Variants in PTPRD observed in about 807,000 individuals in gnomAD.
PTPRD encodes the protein receptor-type tyrosine-protein phosphatase delta.
Under a neutral mutation model 214.5 loss-of-function variants are expected in PTPRD, and 34 were observed. That is an observed-to-expected ratio of 0.16 (90% CI 0.12 to 0.21). The LOEUF is 0.21. Among genes scored for constraint, PTPRD ranks in the 10% least tolerant of loss-of-function variants. PTPRD has a pLI of 1.00. For synonymous variants in PTPRD, 1,128 were observed against 845.7 expected (o/e 1.33, Z -5.79); for missense variants, 2,545 against 2,398.7 (o/e 1.06, Z -1.27).
intron 11 of PTPRD, among the ~76,000 whole-genome samples, chr9:8,993,837 G>T (rs974199314): frequency 6.6e-6 from 1 of 152,020 alleles, no homozygotes; most frequent in Non-Finnish European, 1.5e-5. Context: ...GACCCGAAGA[G>T]TTATACAACA....
intron 7 of PTPRD, among the ~76,000 whole-genome samples, chr9:9,669,073 A>T (rs1488034326): frequency 6.6e-6 from 1 of 152,124 alleles, no homozygotes; most frequent in Non-Finnish European, 1.5e-5. Flanking sequence ...TCTAAAAAAG[A>T]TTTTCTAGTT....
chr9:8,879,907 T>C (rs558704598), intron 11 of PTPRD, among the ~76,000 whole-genome samples: 2 of 152,300 alleles, frequency 1.3e-5, no homozygotes, highest in African/African-American at 4.8e-5. Flanking sequence ...AGAAGAGTGA[T>C]CCTTCCAGTT....
chr9:8,462,487 C>G (rs1371084102), intron 32 of PTPRD, among the ~76,000 whole-genome samples: 2 of 151,984 alleles, frequency 1.3e-5, no homozygotes, highest in Non-Finnish European at 2.9e-5. Context: ...CCAAATAAAA[C>G]GTAGATAACT....
intron 5 of PTPRD, among the ~76,000 whole-genome samples, chr9:9,861,948 A>C (rs1214854642): frequency 6.6e-6 from 1 of 152,170 alleles, no homozygotes; most frequent in Non-Finnish European, 1.5e-5. Context: ...TGAAACTCAA[A>C]AATATTTGGT....
chr9:9,896,629 G>T (rs1462672077), intron 5 of PTPRD, among the ~76,000 whole-genome samples: 1 of 152,010 alleles, frequency 6.6e-6, no homozygotes, highest in East Asian at 1.9e-4. Context: ...CAACGAATTA[G>T]ATCCGAGGAA....
At chr9:10,014,432 G>A (rs2096660185) in intron 4 of PTPRD, among the ~76,000 whole-genome samples, 1 of 151,980 alleles carries the variant, frequency 6.6e-6, no homozygotes, top group African/African-American at 2.4e-5. Context: ...TGACCATGAA[G>A]CATTCTAGGT....
At chr9:9,385,162 T>C (rs1282379822) in intron 9 of PTPRD, among the ~76,000 whole-genome samples, 1 of 152,146 alleles carries the variant, frequency 6.6e-6, no homozygotes, top group Non-Finnish European at 1.5e-5. Context: ...ACATGTTCTG[T>C]CTTCATTTAC....
At chr9:9,749,862 A>T (rs181706493) in intron 6 of PTPRD, among the ~76,000 whole-genome samples, 183 of 152,302 alleles carry the variant, frequency 1.2e-3, no homozygotes, top group African/African-American at 4.1e-3. Flanking sequence ...AAAGAAAATA[A>T]GTTTCATAAG....
At chr9:8,693,245 T>C (rs993284352) in intron 12 of PTPRD, among the ~76,000 whole-genome samples, 2 of 152,176 alleles carry the variant, frequency 1.3e-5, no homozygotes, top group African/African-American at 4.8e-5. Context: ...GTCTACTTCC[T>C]GAAACCTTAC....
At chr9:10,273,091 T>G (rs1263831240) in intron 3 of PTPRD, among the ~76,000 whole-genome samples, 1 of 152,188 alleles carries the variant, frequency 6.6e-6, no homozygotes, top group Non-Finnish European at 1.5e-5. Context: ...AATTTCCAGT[T>G]CTGATATTCA....
At chr9:9,992,524 A>G (rs539632394) in intron 4 of PTPRD, among the ~76,000 whole-genome samples, 3 of 152,180 alleles carry the variant, frequency 2.0e-5, no homozygotes, top group Non-Finnish European at 4.4e-5. Flanking sequence ...AGCACTATTC[A>G]CAATAGCAAA....
intron 5 of PTPRD, among the ~76,000 whole-genome samples, chr9:9,781,158 G>A (rs2098839947): frequency 6.6e-6 from 1 of 152,068 alleles, no homozygotes; most frequent in South Asian, 2.1e-4. Context: ...GAACAACAGT[G>A]AGCCCAGATG....
At chr9:10,303,276 T>A (rs1368745987) in intron 3 of PTPRD, among the ~76,000 whole-genome samples, 3 of 152,112 alleles carry the variant, frequency 2.0e-5, no homozygotes, top group Non-Finnish European at 4.4e-5. Context: ...TTAGGGGAAA[T>A]TTATAGCACT....
intron 3 of PTPRD, among the ~76,000 whole-genome samples, chr9:10,133,059 C>T (rs2098911991): frequency 6.6e-6 from 1 of 152,158 alleles, no homozygotes; most frequent in Non-Finnish European, 1.5e-5. Flanking sequence ...CTCAGGCAGT[C>T]CATGTAGATA....
intron 11 of PTPRD, among the ~76,000 whole-genome samples, chr9:8,775,174 T>C (rs752528696): frequency 3.9e-5 from 6 of 152,198 alleles, no homozygotes; most frequent in Non-Finnish European, 7.3e-5. Flanking sequence ...AAATGTCTCA[T>C]ACGTCAGAGC....
intron 10 of PTPRD, among the ~76,000 whole-genome samples, chr9:9,161,694 C>A (rs1452965822): frequency 6.6e-6 from 1 of 152,034 alleles, no homozygotes; most frequent in Non-Finnish European, 1.5e-5. Context: ...GATAAAGATA[C>A]AGCTGTACAT....
At chr9:8,338,449 G>A (rs1378612308) in intron 43 of PTPRD, among the ~76,000 whole-genome samples, 2 of 152,090 alleles carry the variant, frequency 1.3e-5, no homozygotes, top group Non-Finnish European at 2.9e-5. Context: ...TGCAAAGCTT[G>A]TCAGATTTTT....
At chr9:9,893,810 T>C (rs967349983) in intron 5 of PTPRD, among the ~76,000 whole-genome samples, 9 of 151,984 alleles carry the variant, frequency 5.9e-5, no homozygotes, top group Admixed American at 1.3e-4. Context: ...TCTTTTAGCC[T>C]GTTCCTTTTA....
In PTPRD at chr9:8,316,218, A is replaced by G. The variant is rs762956367; in HGVS notation, c.*1656T>C. On this transcript the variant is annotated 3_prime_UTR_variant, in exon 46 of 46. Coordinates refer to ENST00000381196, the MANE Select transcript of PTPRD (RefSeq NM_002839.4). ...TGAAAACTAGGAATGCATATTATTCAAAGAGTTTTTGTACATGTGGTAAAC... is the reference window on the plus strand; with the variant it reads ...TGAAAACTAGGAATGCATATTATTCGAAGAGTTTTTGTACATGTGGTAAAC... 1 of 229,896 alleles carries G rather than the reference A, an allele frequency of 4.3e-6. No homozygotes were observed. The highest frequency in any genetic ancestry group is 8.6e-6 in the Non-Finnish European group (1 of 115,772). 14.2% of individuals were successfully genotyped at this position (229,896 alleles called of 1,614,324 possible). A position where few individuals can be genotyped will look rare whatever the true frequency, so the allele number is the denominator to read the frequency against.
Sources: allele counts gnomAD v4.1 joint callset (sites outside exome capture counted in the v4.1 genomes callset), GRCh38; gene constraint gnomAD v4.1.1; transcripts MANE v1.5; gene names NCBI Gene and HGNC (gene_info 2026-07-23, HGNC 2026-07-21).